LRRC3B: variants seen among roughly 807,000 people sequenced by gnomAD.
LRRC3B encodes the protein leucine rich repeat containing 3B, also known as leucine-rich repeat-containing protein 3B.
A neutral mutation model predicts 12.8 loss-of-function variants in LRRC3B; 2 were observed. The observed-to-expected ratio is 0.16, with a 90% CI of 0.06 to 0.49. LRRC3B has a LOEUF of 0.49. Ranked by LOEUF, LRRC3B falls within the 20% of genes least tolerant of loss-of-function variation. LRRC3B has a pLI of 0.96. For synonymous variants in LRRC3B, 132 were observed against 122.0 expected, an observed-to-expected ratio of 1.08 and a Z score of -0.54; for missense variants, 189 against 319.4, an observed-to-expected ratio of 0.59 and a Z score of 3.11.
chr3:26,654,321 C>T (rs1486337365), intron 1 of LRRC3B, among the ~76,000 whole-genome samples: 1 of 152,152 alleles, frequency 6.6e-6, no homozygotes, highest in African/African-American at 2.4e-5. Context: ...CAATGCTTCT[C>T]AAGTTTTGCT....
At chr3:26,678,501 GA>G (rs112029745) in intron 1 of LRRC3B, among the ~76,000 whole-genome samples, 47,433 of 144,710 alleles carry the variant, frequency 0.33, 10,900 homozygotes, top group African/African-American at 0.65. Context: ...CTCAAAAAAC[GA>G]AAAAAAAAAA....
intron 1 of LRRC3B, among the ~76,000 whole-genome samples, chr3:26,677,983 C>CT (rs892815134): frequency 6.6e-6 from 1 of 151,794 alleles, no homozygotes; most frequent in Non-Finnish European, 1.5e-5. Flanking sequence ...TATTTTTCTT[C>CT]TTTTTTATTT....
chr3:26,637,827 T>C (rs528916224), intron 1 of LRRC3B, among the ~76,000 whole-genome samples: 1 of 152,324 alleles, frequency 6.6e-6, no homozygotes, highest in Non-Finnish European at 1.5e-5. Flanking sequence ...ATGACTAATA[T>C]CATCACCCAA....
At chr3:26,708,585 A>G (rs932482655) in intron 1 of LRRC3B, among the ~76,000 whole-genome samples, 5 of 152,126 alleles carry the variant, frequency 3.3e-5, no homozygotes, top group African/African-American at 4.8e-5. Context: ...TCTTCTCTAT[A>G]TTAAAGGGTA....
chr3:26,701,850 GTAACT>G (rs369478064), intron 1 of LRRC3B, among the ~76,000 whole-genome samples: 6 of 152,174 alleles, frequency 3.9e-5, no homozygotes, highest in African/African-American at 1.4e-4. Flanking sequence ...GCTTTATATG[GTAACT>G]TAACCCCTTA....
At chr3:26,650,384 G>T (rs981811179) in intron 1 of LRRC3B, among the ~76,000 whole-genome samples, 3 of 152,100 alleles carry the variant, frequency 2.0e-5, no homozygotes, top group Non-Finnish European at 4.4e-5. Context: ...GAGTTTAAAA[G>T]GTCCAAGAGG....
chr3:26,690,782 A>G (rs1053933767), intron 1 of LRRC3B, among the ~76,000 whole-genome samples: 2 of 152,070 alleles, frequency 1.3e-5, no homozygotes, highest in African/African-American at 4.8e-5. Flanking sequence ...ACAGAGAGGC[A>G]AGAACATTTC....
intron 1 of LRRC3B, among the ~76,000 whole-genome samples, chr3:26,646,028 G>T (rs1278873467): frequency 6.6e-6 from 1 of 152,034 alleles, no homozygotes; most frequent in Non-Finnish European, 1.5e-5. Flanking sequence ...CCAACCCAAG[G>T]GTGTGCGCTT....
At chr3:26,703,101 C>T (rs1244352938) in intron 1 of LRRC3B, among the ~76,000 whole-genome samples, 1 of 152,020 alleles carries the variant, frequency 6.6e-6, no homozygotes, top group Non-Finnish European at 1.5e-5. Flanking sequence ...ATTACTTATG[C>T]AATTTATTCA....
chr3:26,636,647 A>G (rs1233340608), intron 1 of LRRC3B, among the ~76,000 whole-genome samples: 1 of 152,064 alleles, frequency 6.6e-6, no homozygotes, highest in African/African-American at 2.4e-5. Context: ...TCTAAAAGCT[A>G]CAGTGTTGTT....
rs181116496 is a variant in LRRC3B at position 26,669,271 on chromosome 3, A to G, written c.-160-40242A>G. On this transcript the variant is annotated intron_variant, in intron 1 of 1. Coordinates refer to ENST00000396641, the Ensembl canonical transcript of LRRC3B. The stretch of plus-strand genomic sequence containing the variant: ...GTCGTGCAGAGCTATTGCTGTTTCC[A>G]CTGTGCCATTTCTGAGCTCATGCCA... 8.5e-5 allele frequency among the ~76,000 whole-genome samples: 13 copies of G among 152,286 alleles called. 1 individual carries two copies. The highest frequency in any genetic ancestry group is 5.9e-4 in the Admixed American group (9 of 15,290).
At chr3:26,635,980 A>G (rs1698860401) in intron 1 of LRRC3B, among the ~76,000 whole-genome samples, 1 of 152,210 alleles carries the variant, frequency 6.6e-6, no homozygotes, top group Non-Finnish European at 1.5e-5. Context: ...GCGCATACAC[A>G]CACATACACA....
intron 1 of LRRC3B, among the ~76,000 whole-genome samples, chr3:26,652,654 T>G (rs1033163312): frequency 1.3e-5 from 2 of 152,186 alleles, no homozygotes; most frequent in African/African-American, 2.4e-5. Flanking sequence ...ACACACTATT[T>G]TCTATCTCAT....
At chr3:26,706,783 C>T (rs140394542) in intron 1 of LRRC3B, among the ~76,000 whole-genome samples, 275 of 152,262 alleles carry the variant, frequency 1.8e-3, no homozygotes, top group African/African-American at 5.6e-3. Context: ...TCCTAGGAGC[C>T]TGAACATATA....
At chr3:26,683,498 C>A (rs1261236507) in intron 1 of LRRC3B, among the ~76,000 whole-genome samples, 1 of 152,140 alleles carries the variant, frequency 6.6e-6, no homozygotes, top group Admixed American at 6.5e-5. Flanking sequence ...TGAGTTGGAT[C>A]CCCAGGAGGC....
At chr3:26,672,122 A>G (rs1334361230) in intron 1 of LRRC3B, among the ~76,000 whole-genome samples, 1 of 152,132 alleles carries the variant, frequency 6.6e-6, no homozygotes, top group African/African-American at 2.4e-5. Context: ...TTCATTTATC[A>G]TTTTGTTTTA....
intron 1 of LRRC3B, among the ~76,000 whole-genome samples, chr3:26,659,353 A>G (rs182592826): frequency 1.8e-3 from 268 of 152,300 alleles, no homozygotes; most frequent in African/African-American, 5.4e-3. Flanking sequence ...AGATTCTTCC[A>G]TTTGCATTTG....
At chr3:26,692,253 G>A (rs1656538780) in intron 1 of LRRC3B, among the ~76,000 whole-genome samples, 1 of 152,172 alleles carries the variant, frequency 6.6e-6, no homozygotes, top group African/African-American at 2.4e-5. Context: ...AGTAAGGCAA[G>A]GTTAATATGG....
intron 1 of LRRC3B, among the ~76,000 whole-genome samples, chr3:26,643,634 CAA>C (rs1180618632): frequency 6.6e-6 from 1 of 152,192 alleles, no homozygotes. Context: ...TTACAGGCCA[CAA>C]AGAGTGATCT....
Sources: allele counts gnomAD v4.1 joint callset (sites outside exome capture counted in the v4.1 genomes callset), GRCh38; gene constraint gnomAD v4.1.1; transcripts MANE v1.5; gene names NCBI Gene and HGNC (gene_info 2026-07-23, HGNC 2026-07-21).